Variants in CIT observed in about 807,000 individuals in gnomAD.
CIT encodes the protein citron Rho-interacting kinase.
In CIT, 79 loss-of-function variants were observed where a neutral mutation model predicts 272.7. The observed-to-expected ratio is 0.29, with a 90% CI of 0.24 to 0.35. CIT has a LOEUF of 0.35. Ranked by LOEUF, CIT falls within the 10% of genes least tolerant of loss-of-function variation. The probability of loss-of-function intolerance (pLI) is 1.00; values close to 1 mark genes in which losing one functional copy is unlikely to be tolerated. For synonymous variants in CIT, 948 were observed against 995.6 expected (o/e 0.95, Z 0.90); for missense variants, 1,909 against 2,618.3 (o/e 0.73, Z 5.91).
In CIT at chr12:119,825,289, C is replaced by T; in HGVS notation, c.833G>A (p.Gly278Asp). 6.2e-7 allele frequency: 1 copy of T among 1,614,138 alleles called. No individual in the cohort carries two copies. ...CCAGTCACAGTCCAGGCCGTAGGTG[C>T]CTTTTCCATCCCCGTTCATCACAGT... ...VLTVMNGDGK[G>D]TYGLDCDWWS... The change falls in exon 8 of 48, where the codon GGC becomes GAC. Residue 278 changes from glycine to aspartate, a missense_variant. Physicochemically the swap from Gly to Asp is moderately conservative, Grantham distance 94. Around this residue, in one of 8 missense-constraint regions of CIT, gnomAD observed 529 missense variants for 549.6 expected, o/e 0.96. Transcript: ENST00000392521.
rs1593733615 is a variant in CIT, at chr12:119,784,722, C to T, written c.1401+238G>A. On this transcript the variant is annotated intron_variant, in intron 11 of 47. Transcript: ENST00000392521. The surrounding 1 kb of genome is among the most constrained non-coding windows in gnomAD (Gnocchi z 4.7). ...CATCTGGCTGGGTCATGCTGAGAAA[C>T]GGACTGTTTAAATCCAGGGCCTCCT... is the stretch of plus-strand genomic sequence containing the variant. The T allele has an allele frequency of 1.8e-5, 24 of 1,364,612 alleles. No homozygotes were observed. The highest frequency in any genetic ancestry group is 2.9e-5 in the African/African-American group (2 of 68,112). 84.5% of individuals were successfully genotyped at this position (1,364,612 alleles called of 1,614,324 possible).
intron 6 of CIT, 148 bp downstream of exon 6, chr12:119,833,937 GC>G: frequency 2.7e-6 from 2 of 731,062 alleles, no homozygotes; most frequent in Non-Finnish European, 2.2e-6. Flanking sequence ...TGGAAAGTTT[GC>G]TTTCAGCCAG....
intron 26 of CIT, among the ~76,000 whole-genome samples, chr12:119,733,535 A>C (rs1372765761): frequency 1.3e-5 from 2 of 152,000 alleles, no homozygotes; most frequent in East Asian, 1.9e-4. Flanking sequence ...GTCACAAAAA[A>C]AAAAAAAACA....
chr12:119,730,345 A>T, intron 27 of CIT, 150 bp downstream of exon 27: 4 of 782,954 alleles, frequency 5.1e-6, no homozygotes, highest in Non-Finnish European at 7.2e-6. Context: ...GTCCCATGGT[A>T]AGGCAAAACC....
At chr12:119,745,316 C>A (rs1363556183) in intron 23 of CIT, among the ~76,000 whole-genome samples, 2 of 91,170 alleles carry the variant, frequency 2.2e-5, no homozygotes, top group Non-Finnish European at 2.1e-5. Flanking sequence ...GCATGAAAAG[C>A]TAGAACACAG....
At chr12:119,777,207 A>G (rs1389069055) in intron 13 of CIT, among the ~76,000 whole-genome samples, 1 of 151,732 alleles carries the variant, frequency 6.6e-6, no homozygotes, top group Non-Finnish European at 1.5e-5. Context: ...GTGAGCCGAG[A>G]TCGCGCCACT....
At position 119,701,680 on chromosome 12, in the gene CIT, G is replaced by A. The variant is rs1174535743; in HGVS notation, c.5486C>T (p.Ser1829Leu). Residue 1829 changes from serine (S) to leucine (L), a missense_variant, in exon 43 of 48, where the codon TCA (serine) becomes TTA (leucine). Physicochemically the swap from Ser to Leu is moderately radical, Grantham distance 145. Around this residue, in one of 8 missense-constraint regions of CIT, gnomAD observed 780 missense variants for 1,067.2 expected, o/e 0.73. Coordinates refer to ENST00000392521, the MANE Select transcript of CIT (RefSeq NM_001206999.2). ...FAASSNSFPV[S>L]IVQVNSAGQR... Reference sequence around the variant, plus strand: ...CCCTGCGCTGTTCACCTGCACGATTGAGACAGGGAAGCTGTTGGAAGAGGC... The same window carrying A: ...CCCTGCGCTGTTCACCTGCACGATTAAGACAGGGAAGCTGTTGGAAGAGGC... 4 of 1,614,222 alleles carry A rather than the reference G, an allele frequency of 2.5e-6. No individual in the cohort carries two copies. In the South Asian group the frequency reaches 4.4e-5, roughly 18 times the overall value.
intron 23 of CIT, among the ~76,000 whole-genome samples, chr12:119,744,033 T>G (rs1959172213): frequency 6.6e-6 from 1 of 152,084 alleles, no homozygotes; most frequent in Non-Finnish European, 1.5e-5. Context: ...AAGATCACGG[T>G]AGATGTTACA....
At position 119,712,400 on chromosome 12, in the gene CIT, T is replaced by C; in HGVS notation, c.4685-53A>G. On this transcript the variant is annotated intron_variant, in intron 36 of 47. Coordinates refer to ENST00000392521, the MANE Select transcript of CIT (RefSeq NM_001206999.2). The surrounding 1 kb of genome is among the most constrained non-coding windows in gnomAD (Gnocchi z 5.2). The stretch of plus-strand genomic sequence containing the variant: ...GGGTGTGGATTTCCCCCGTTCCCAC[T>C]GGGAGGGACGGGCCTGAGAGATCAA... The C allele has an allele frequency of 3.9e-6, 6 of 1,535,074 alleles. No homozygotes were observed. The highest frequency in any genetic ancestry group is 8.9e-7 in the Non-Finnish European group (1 of 1,126,200).
Position 119,713,685 on chromosome 12 carries a change from A to G in CIT, c.4307-37T>C. ...CAGTGAGCAACCTGAGGGCATGCTCAGCTGACCCTGGACCCTTCCCTTCCT... is the reference window on the plus strand; with the variant it reads ...CAGTGAGCAACCTGAGGGCATGCTCGGCTGACCCTGGACCCTTCCCTTCCT... On this transcript the variant is annotated intron_variant, in intron 33 of 47. Transcript: ENST00000392521. This position sits in a 1 kb window ranked among gnomAD's most constrained non-coding sequence, Gnocchi z 5.2. 1 of 1,609,002 alleles carries G rather than the reference A, an allele frequency of 6.2e-7. No individual in the cohort carries two copies. Among genetic ancestry groups the G allele is most frequent in the Non-Finnish European group, 8.5e-7 (1 of 1,175,346 alleles).
intron 10 of CIT, among the ~76,000 whole-genome samples, chr12:119,797,598 G>T (rs781691973): frequency 6.6e-6 from 1 of 152,334 alleles, no homozygotes; most frequent in East Asian, 1.9e-4. Context: ...GCATGTCTTC[G>T]TGTAGCAGAG....
rs1961147483 is a variant in CIT, at chr12:119,757,383, T to C, written c.2694A>G (p.Thr898=). The C allele has an allele frequency of 3.7e-6, 6 of 1,613,926 alleles. No homozygotes were observed. In the Middle Eastern group the frequency reaches 5.0e-4, roughly 134 times the overall value. Residue 898 remains threonine (T), a synonymous_variant, in exon 22 of 48, where the codon ACA becomes ACG. Transcript: ENST00000392521. ...SDKNRLLELE[T]RLREVSLEHE... ...TCCTCGCTCTCACCTCCCGCAATCT[T>C]GTCTCCAGTTCCAGCAGCCGATTCT...
intron 4 of CIT, among the ~76,000 whole-genome samples, chr12:119,856,093 ACT>A (rs1184690090): frequency 6.6e-6 from 1 of 152,048 alleles, no homozygotes; most frequent in Admixed American, 6.6e-5. Context: ...AAGCCACATC[ACT>A]CTCAGATTCT....
intron 3 of CIT, among the ~76,000 whole-genome samples, chr12:119,868,159 A>G (rs866158815): frequency 3.9e-5 from 6 of 152,014 alleles, no homozygotes; most frequent in Admixed American, 2.0e-4. Flanking sequence ...GAAGGTTGAA[A>G]CTGCAGTGAG....
chr12:119,825,567 A>G (rs1178963140), intron 7 of CIT, among the ~76,000 whole-genome samples, 199 bp from the exon 8 acceptor site: 1 of 151,840 alleles, frequency 6.6e-6, no homozygotes, highest in Non-Finnish European at 1.5e-5. Flanking sequence ...CACACAGCAT[A>G]TAATGCAATC....
chr12:119,776,508 A>AT, intron 14 of CIT, 100 bp from the exon 15 acceptor site: 1 of 1,172,970 alleles, frequency 8.5e-7, no homozygotes, highest in Non-Finnish European at 1.2e-6. Flanking sequence ...ATAATAGTAA[A>AT]TAAGAATAAT....
Position 119,823,100 on chromosome 12 carries a change from G to A in CIT, c.958-127C>T, listed in dbSNP as rs75930165. ...TTTGTTTTTTAGAGAAGGAAGTTTC[G>A]TGCCCTCTTCCCTTTGGACCAAAGG... On this transcript the variant is annotated intron_variant, in intron 8 of 47. Coordinates refer to ENST00000392521, the MANE Select transcript of CIT (RefSeq NM_001206999.2). 0.016 allele frequency: 14,867 copies of A among 926,330 alleles called. 157 individuals carry two copies. Among genetic ancestry groups the A allele is most frequent in the Non-Finnish European group, 0.019 (12,085 of 637,368 alleles). 57.4% of individuals were successfully genotyped at this position (926,330 alleles called of 1,614,324 possible). A position where few individuals can be genotyped will look rare whatever the true frequency, so the allele number is the denominator to read the frequency against.
chr12:119,817,895 G>A (rs1198044499), intron 9 of CIT, among the ~76,000 whole-genome samples: 3 of 150,870 alleles, frequency 2.0e-5, no homozygotes, highest in Admixed American at 1.3e-4. Flanking sequence ...GGCAAAGATG[G>A]CAAGACTCCA....
At chr12:119,762,005 T>A (rs78625471) in intron 19 of CIT, among the ~76,000 whole-genome samples, 8,842 of 152,198 alleles carry the variant, frequency 0.058, 411 homozygotes, top group African/African-American at 0.13. Flanking sequence ...CCATTCGACT[T>A]TTCCAAAGAA....
Sources: gnomAD v4.1 joint callset for allele counts (sites outside exome capture counted in the v4.1 genomes callset) on GRCh38, gnomAD v4.1.1 for gene constraint, gnomAD v4.1.1 regional missense constraint, Gnocchi (gnomAD v3.1) non-coding constraint, MANE v1.5 for transcripts, NCBI Gene and HGNC (gene_info 2026-07-23, HGNC 2026-07-21) for gene names.